The following GPHN variants were observed in gnomAD, a reference collection of about 807,000 sequenced individuals.
GPHN encodes gephyrin.
A neutral mutation model predicts 95.5 loss-of-function variants in GPHN; 17 were observed. That is an observed-to-expected ratio of 0.18 (90% CI 0.12 to 0.27). The LOEUF (loss-of-function observed/expected upper bound fraction) is 0.27. Among genes scored for constraint, GPHN ranks in the 10% least tolerant of loss-of-function variants. GPHN has a pLI of 1.00. For synonymous variants in GPHN, 320 were observed against 322.5 expected (o/e 0.99, Z 0.08); for missense variants, 660 against 978.1 (o/e 0.67, Z 4.34).
chr14:67,277,867 G>A, the GPHN span, among the ~76,000 whole-genome samples: 3 of 152,014 alleles, frequency 2.0e-5, no homozygotes, highest in South Asian at 2.1e-4. Flanking sequence ...GAGAGAAAAT[G>A]ACTGGTCTTA....
the GPHN span, chr14:67,345,709 C>T: frequency 3.7e-5 from 43 of 1,168,116 alleles, no homozygotes; most frequent in Non-Finnish European, 5.1e-5. Context: ...ACCTGACTCT[C>T]CTCCACTTGA....
intron 2 of GPHN, among the ~76,000 whole-genome samples, chr14:66,692,661 G>C (rs1435496610): frequency 6.6e-6 from 1 of 151,916 alleles, no homozygotes; most frequent in Non-Finnish European, 1.5e-5. Context: ...ATTTTTATAT[G>C]ACCATTGGTG....
At chr14:66,943,993 AG>A (rs1305672030) in intron 8 of GPHN, among the ~76,000 whole-genome samples, 1 of 152,194 alleles carries the variant, frequency 6.6e-6, no homozygotes, top group African/African-American at 2.4e-5. Context: ...GTGTGCATTG[AG>A]GGTGGCAAGA....
chr14:67,496,770 C>T, the GPHN span, among the ~76,000 whole-genome samples: 1 of 109,470 alleles, frequency 9.1e-6, no homozygotes, highest in Non-Finnish European at 2.0e-5. Flanking sequence ...TCCCTCCCTT[C>T]CTCCCTCCCT....
intron 5 of GPHN, among the ~76,000 whole-genome samples, chr14:66,904,610 C>T (rs141770429): frequency 3.3e-5 from 5 of 152,144 alleles, no homozygotes; most frequent in Admixed American, 6.6e-5. Context: ...GCTGGCTTCA[C>T]CTCTCAATGC....
chr14:67,463,261 A>G, the GPHN span, among the ~76,000 whole-genome samples: 1 of 152,176 alleles, frequency 6.6e-6, no homozygotes, highest in Non-Finnish European at 1.5e-5. Flanking sequence ...TCTATTTTTA[A>G]TTAAAAATTT....
chr14:67,440,304 A>G, the GPHN span, among the ~76,000 whole-genome samples: 1 of 152,164 alleles, frequency 6.6e-6, no homozygotes, highest in Non-Finnish European at 1.5e-5. Context: ...GTAAAGTTAC[A>G]TGAAATGTGC....
intron 2 of GPHN, among the ~76,000 whole-genome samples, chr14:66,723,982 T>TACACACACACACAC (rs369422536): frequency 3.5e-5 from 5 of 143,144 alleles, no homozygotes; most frequent in African/African-American, 7.9e-5. Flanking sequence ...ATGTCATGCA[T>TACACACACACACAC]ACATACACAC....
At chr14:66,788,517 T>C (rs905742248) in intron 3 of GPHN, among the ~76,000 whole-genome samples, 1 of 152,230 alleles carries the variant, frequency 6.6e-6, no homozygotes, top group African/African-American at 2.4e-5. Flanking sequence ...AACATATTTA[T>C]ACAAATGCAG....
In GPHN at chr14:66,508,292, C is replaced by T; in HGVS notation, c.-236C>T. Reference sequence around the variant, plus strand: ...CCAAGCTTGCCTCCTTCTTGCCGGACTTGGGGCCGCGCGCCCTGACTCCTT... The same window carrying T: ...CCAAGCTTGCCTCCTTCTTGCCGGATTTGGGGCCGCGCGCCCTGACTCCTT... On this transcript the variant is annotated 5_prime_UTR_variant, in exon 1 of 23. Coordinates refer to ENST00000478722, the MANE Select transcript of GPHN (RefSeq NM_020806.5). 1 of 587,398 alleles carries T rather than the reference C, an allele frequency of 1.7e-6. No individual in the cohort carries two copies. Among genetic ancestry groups the T allele is most frequent in the South Asian group, 2.0e-5 (1 of 50,600 alleles). The allele number at this position is 587,398 out of a possible 1,614,324, so 36.4% of individuals were successfully genotyped here. A position where few individuals can be genotyped will look rare whatever the true frequency, so the allele number is the denominator to read the frequency against.
the GPHN span, among the ~76,000 whole-genome samples, chr14:67,337,128 A>AAAT: frequency 6.6e-6 from 1 of 152,258 alleles, no homozygotes; most frequent in African/African-American, 2.4e-5. Context: ...AATATAAACA[A>AAAT]AATACTTAAT....
At chr14:67,616,590 A>G in the GPHN span, 1 of 152,142 alleles carries the variant, frequency 6.6e-6, no homozygotes, top group Non-Finnish European at 1.5e-5. Context: ...ACTATTTCAG[A>G]CATGGAATAA....
intron 2 of GPHN, among the ~76,000 whole-genome samples, chr14:66,726,490 A>G (rs1424022759): frequency 2.6e-5 from 4 of 152,178 alleles, no homozygotes; most frequent in African/African-American, 4.8e-5. Context: ...ATTTAATTGC[A>G]TTTGCTAGAG....
chr14:66,900,537 C>T (rs1056007810), intron 5 of GPHN, among the ~76,000 whole-genome samples: 3 of 151,150 alleles, frequency 2.0e-5, no homozygotes, highest in Non-Finnish European at 4.4e-5. Context: ...TCATCTTTCC[C>T]TCCTCCCCAC....
At chr14:66,677,832 G>C (rs1566803845) in intron 1 of GPHN, among the ~76,000 whole-genome samples, 1 of 152,100 alleles carries the variant, frequency 6.6e-6, no homozygotes, top group Non-Finnish European at 1.5e-5. Flanking sequence ...GATCCATTTG[G>C]ACACACATTT....
intron 1 of GPHN, among the ~76,000 whole-genome samples, chr14:66,617,524 G>T (rs113723203): frequency 3.9e-5 from 6 of 152,182 alleles, no homozygotes; most frequent in African/African-American, 1.4e-4. Context: ...CCTCTTCATG[G>T]ACCACACAAG....
At chr14:67,291,719 A>C in the GPHN span, among the ~76,000 whole-genome samples, 3 of 152,242 alleles carry the variant, frequency 2.0e-5, no homozygotes, top group Non-Finnish European at 4.4e-5. Flanking sequence ...TCACATATTC[A>C]TTAGAGTTTT....
At chr14:67,661,256 T>C in the GPHN span, among the ~76,000 whole-genome samples, 3 of 140,020 alleles carry the variant, frequency 2.1e-5, no homozygotes, top group Non-Finnish European at 4.6e-5. Flanking sequence ...GTCAAAGGAC[T>C]CTTGCTTCTA....
intron 13 of GPHN, among the ~76,000 whole-genome samples, chr14:67,102,383 G>A (rs1346344845): frequency 3.9e-5 from 6 of 152,030 alleles, no homozygotes; most frequent in Non-Finnish European, 7.4e-5. Context: ...AAGTGGCAGC[G>A]GGCGTGGTGG....
Sources: gnomAD v4.1 joint callset for allele counts (sites outside exome capture counted in the v4.1 genomes callset) on GRCh38, gnomAD v4.1.1 for gene constraint, MANE v1.5 for transcripts, NCBI Gene and HGNC (gene_info 2026-07-23, HGNC 2026-07-21) for gene names.